The following ARL13B variants were observed in gnomAD, a reference collection of about 807,000 sequenced individuals.
ARL13B encodes ADP-ribosylation factor-like protein 13B.
ARL13B carries 36 observed loss-of-function variants against 56.1 expected under a neutral mutation model. That is an observed-to-expected ratio of 0.64 (90% CI 0.49 to 0.85). The LOEUF (loss-of-function observed/expected upper bound fraction) is 0.85, where lower values mean the gene tolerates loss of function less well. Among genes scored for constraint, ARL13B ranks in the 40% least tolerant of loss-of-function variants. The probability of loss-of-function intolerance (pLI) is 0.00; values close to 1 mark genes in which losing one functional copy is unlikely to be tolerated. For missense variants in ARL13B, 519 were observed against 507.1 expected, an observed-to-expected ratio of 1.02 and a Z score of -0.23; for synonymous variants, 178 against 171.1, an observed-to-expected ratio of 1.04 and a Z score of -0.32.
At chr3:94,045,295 C>T (rs1395322990) in intron 7 of ARL13B, among the ~76,000 whole-genome samples, 2 of 151,998 alleles carry the variant, frequency 1.3e-5, no homozygotes, top group African/African-American at 2.4e-5. Flanking sequence ...TACCCAGGGA[C>T]ACAAACACTG....
chr3:94,019,125 A>C (rs893413786), intron 3 of ARL13B, among the ~76,000 whole-genome samples: 1 of 151,836 alleles, frequency 6.6e-6, no homozygotes, highest in African/African-American at 2.4e-5. Flanking sequence ...AAATCTTGTC[A>C]ACATCTCTTT....
rs750183691 is a variant in ARL13B, at chr3:94,036,767, A to T, written c.689+13A>T. The T allele has an allele frequency of 6.2e-7, 1 of 1,601,348 alleles. No homozygotes were observed. The highest frequency in any genetic ancestry group is 1.7e-5 in the Admixed American group (1 of 59,188). On this transcript the variant is annotated intron_variant, in intron 5 of 9. Transcript: ENST00000394222. ...TACGAGAAGAAAGGTAAGTAGATTA[A>T]TTTTGTACCACAGTGCATTTGAAGG...
At chr3:94,001,941 T>G (rs1480881217) in intron 2 of ARL13B, among the ~76,000 whole-genome samples, 1 of 152,218 alleles carries the variant, frequency 6.6e-6, no homozygotes, top group Admixed American at 6.5e-5. Context: ...TAACTTTACC[T>G]TTTTCTTTTT....
intron 3 of ARL13B, among the ~76,000 whole-genome samples, chr3:94,023,819 AT>A (rs1282915795): frequency 2.2e-4 from 34 of 152,286 alleles, no homozygotes; most frequent in African/African-American, 7.9e-4. Context: ...TACTATATCT[AT>A]TTAAAAGAAA....
chr3:94,036,665 C>T lies in ARL13B; in HGVS notation c.600C>T (p.Arg200=). ...GAGACTTTGATGCCTTAAATGAACGCATCCAAAAAGAGACAACAGAGCAGC... is the reference window on the plus strand; with the variant it reads ...GAGACTTTGATGCCTTAAATGAACGTATCCAAAAAGAGACAACAGAGCAGC... ...IARDFDALNE[R]IQKETTEQRA... Residue 200 remains arginine, a synonymous_variant, in exon 5 of 10, where the codon CGC becomes CGT. Transcript: ENST00000394222. 1.2e-6 allele frequency: 2 copies of T among 1,613,926 alleles called. No individual in the cohort carries two copies. The highest frequency in any genetic ancestry group is 1.7e-6 in the Non-Finnish European group (2 of 1,179,982).
intron 3 of ARL13B, among the ~76,000 whole-genome samples, chr3:94,009,619 TTAGA>T (rs1279113957): frequency 5.9e-5 from 9 of 152,094 alleles, no homozygotes; most frequent in Admixed American, 2.0e-4. Flanking sequence ...CAGTTGATCC[TTAGA>T]TAGAGTGGTG....
Position 94,053,875 on chromosome 3 carries a change from A to G in ARL13B, c.*612A>G. The G allele has an allele frequency of 3.2e-6, 1 of 311,156 alleles. No individual in the cohort carries two copies. The highest frequency in any genetic ancestry group is 6.3e-6 in the Non-Finnish European group (1 of 159,522). The allele number at this position is 311,156 out of a possible 1,614,324, so 19.3% of individuals were successfully genotyped here. ...TATATGGCTTGAGGTATGTTTTGTA[A>G]TAGCGTTGTTCTTTAAGTGTACATC... On this transcript the variant is annotated 3_prime_UTR_variant, in exon 10 of 10. Transcript: ENST00000394222.
Position 94,029,331 on chromosome 3 carries a change from TATA to T in ARL13B, c.381-5999_381-5997del, listed in dbSNP as rs1559997691. Among the ~76,000 whole-genome samples the T allele has an allele frequency of 9.1e-3, 851 of 93,630 alleles. 17 individuals are homozygous for T. The highest frequency in any genetic ancestry group is 0.018 in the African/African-American group (309 of 17,538). The allele number at this position is 93,630 out of a possible 152,430, so 61.4% of individuals were successfully genotyped here. ...ATATATATATATATATATATATATA[TATA>T]TTTATTTTTTTTTTATTTTTTTTTT... On this transcript the variant is annotated intron_variant, in intron 3 of 9. Transcript: ENST00000394222.
At chr3:93,994,090 CGTTTTACTCATA>C (rs1271474292) in intron 1 of ARL13B, among the ~76,000 whole-genome samples, 1 of 152,152 alleles carries the variant, frequency 6.6e-6, no homozygotes, top group Non-Finnish European at 1.5e-5. Context: ...ACATGGAATT[CGTTTTACTCATA>C]GTAGAAGTCA....
chr3:94,011,278 T>G (rs1220965879), intron 3 of ARL13B, among the ~76,000 whole-genome samples: 1 of 152,162 alleles, frequency 6.6e-6, no homozygotes, highest in Non-Finnish European at 1.5e-5. Context: ...CATTCTGTGC[T>G]AGCACACAAA....
At chr3:93,998,882 A>G (rs1473123812) in intron 2 of ARL13B, among the ~76,000 whole-genome samples, 4 of 148,068 alleles carry the variant, frequency 2.7e-5, no homozygotes, top group Non-Finnish European at 4.5e-5. Flanking sequence ...CATGGCTCCT[A>G]CTTTTCTACT....
intron 8 of ARL13B, among the ~76,000 whole-genome samples, chr3:94,049,834 G>A (rs990967898): frequency 6.6e-6 from 1 of 151,678 alleles, no homozygotes; most frequent in Non-Finnish European, 1.5e-5. Context: ...TAAGTTTCAC[G>A]ATGGATGGCT....
intron 1 of ARL13B, chr3:93,988,747 G>T: frequency 6.9e-6 from 3 of 437,322 alleles, no homozygotes; most frequent in South Asian, 1.7e-5. Flanking sequence ...AGCCACTTTG[G>T]CCTGTTTTCC....
At chr3:94,038,811 G>A (rs563549050) in intron 5 of ARL13B, among the ~76,000 whole-genome samples, 3 of 151,936 alleles carry the variant, frequency 2.0e-5, no homozygotes, top group South Asian at 4.2e-4. Flanking sequence ...GTGAGCCACC[G>A]CACCCGGCCG....
At chr3:94,041,456 A>G (rs1316259738) in intron 6 of ARL13B, among the ~76,000 whole-genome samples, 1 of 152,232 alleles carries the variant, frequency 6.6e-6, no homozygotes, top group Non-Finnish European at 1.5e-5. Context: ...TTACTAGTAG[A>G]TAATATAGAT....
chr3:94,005,990 A>G (rs2076127432), intron 3 of ARL13B, among the ~76,000 whole-genome samples: 1 of 152,166 alleles, frequency 6.6e-6, no homozygotes, highest in African/African-American at 2.4e-5. Context: ...AGTAATGTAT[A>G]CAGTATTCAT....
At chr3:94,023,732 G>C (rs1390402151) in intron 3 of ARL13B, among the ~76,000 whole-genome samples, 1 of 152,036 alleles carries the variant, frequency 6.6e-6, no homozygotes, top group Non-Finnish European at 1.5e-5. Flanking sequence ...CTATTGAGTA[G>C]AAATTGGTTA....
rs1278628108 is a variant in ARL13B, at chr3:94,043,121, G to GCCA, written c.906_908dup (p.Gly302_Gln303insHis). The GCCA allele has an allele frequency of 4.3e-6, 7 of 1,613,720 alleles. No individual in the cohort carries two copies. The East Asian group carries it at 1.3e-4, about 31-fold the overall frequency. ...GAGCATGAGCAAATAGAGACACAAGGCCAGGTTAATCACAATGGCCAAAAA... is the reference window on the plus strand; with the variant it reads ...GAGCATGAGCAAATAGAGACACAAGGCCACCAGGTTAATCACAATGGCCAAAAA... On this transcript the variant is annotated inframe_insertion, in exon 7 of 10. Transcript: ENST00000394222.
In ARL13B at chr3:93,980,367, G is replaced by C. The variant is rs570635024; in HGVS notation, c.-57G>C. The C allele has an allele frequency of 4.4e-6, 7 of 1,602,274 alleles. No homozygotes were observed. The highest frequency in any genetic ancestry group is 6.0e-6 in the Non-Finnish European group (7 of 1,175,888). On this transcript the variant is annotated 5_prime_UTR_variant, in exon 1 of 10. Coordinates refer to ENST00000394222, the MANE Select transcript of ARL13B (RefSeq NM_001174150.2). ...GTGCCGGAGGCCCCCGGGGAAGAGC[G>C]GGGTGCCGGTGTCCGCTCCGGGCTC...
Sources: gnomAD v4.1 joint callset for allele counts (sites outside exome capture counted in the v4.1 genomes callset) on GRCh38, gnomAD v4.1.1 for gene constraint, MANE v1.5 for transcripts, NCBI Gene and HGNC (gene_info 2026-07-23, HGNC 2026-07-21) for gene names.